Variants in DLG2 observed in about 807,000 individuals in gnomAD.
DLG2 encodes discs large MAGUK scaffold protein 2.
A neutral mutation model predicts 132.5 loss-of-function variants in DLG2; 45 were observed. That is an observed-to-expected ratio of 0.34 (90% CI 0.27 to 0.44). The LOEUF (loss-of-function observed/expected upper bound fraction) is 0.44, where lower values mean the gene tolerates loss of function less well. Ranked by LOEUF, DLG2 falls within the 20% of genes least tolerant of loss-of-function variation. DLG2 has a pLI of 1.00. For synonymous variants in DLG2, 424 were observed against 419.6 expected (o/e 1.01, Z -0.13); for missense variants, 1,045 against 1,196.9 (o/e 0.87, Z 1.87).
At chr11:85,502,199 A>G (rs990379870) in intron 3 of DLG2, among the ~76,000 whole-genome samples, 2 of 152,070 alleles carry the variant, frequency 1.3e-5, no homozygotes, top group African/African-American at 4.8e-5. Context: ...GTTTTCATTC[A>G]TAAGTGGGAG....
chr11:84,097,807 G>A lies in DLG2; in HGVS notation c.749+1116C>T, dbSNP rs2097186396. On this transcript the variant is annotated intron_variant, in intron 10 of 27. Transcript: ENST00000376104. Reference sequence around the variant, plus strand: ...GCAGGGGTGCTAAAAGTGACATTAGGGCATGTTATTCTTCCTGAAAAATCT... The same window carrying A: ...GCAGGGGTGCTAAAAGTGACATTAGAGCATGTTATTCTTCCTGAAAAATCT... 1.3e-5 allele frequency among the ~76,000 whole-genome samples: 2 copies of A among 151,984 alleles called. 1 individual carries two copies. The highest frequency in any genetic ancestry group is 4.2e-4 in the South Asian group (2 of 4,806).
At chr11:85,146,227 C>CTCTCTCTCTCTCTCTCG (rs1555384682) in intron 5 of DLG2, among the ~76,000 whole-genome samples, 5 of 129,110 alleles carry the variant, frequency 3.9e-5, no homozygotes, top group African/African-American at 1.5e-4. Flanking sequence ...TCTGTTTCTC[C>CTCTCTCTCTCTCTCTCG]CTCTCTCTCT....
chr11:84,360,686 G>A (rs371357366), intron 7 of DLG2, among the ~76,000 whole-genome samples: 2 of 151,920 alleles, frequency 1.3e-5, no homozygotes, highest in South Asian at 2.1e-4. Flanking sequence ...AGAATACCAG[G>A]GTTGAAGGAT....
chr11:83,466,644 A>G, intron 26 of DLG2, 64 bp downstream of exon 26: 1 of 809,172 alleles, frequency 1.2e-6, no homozygotes, highest in South Asian at 2.1e-5. Flanking sequence ...TCCTGTTAGT[A>G]ATTTTCAGTA....
chr11:85,103,832 A>T (rs2071267532), intron 6 of DLG2, among the ~76,000 whole-genome samples: 1 of 151,950 alleles, frequency 6.6e-6, no homozygotes, highest in South Asian at 2.1e-4. Context: ...CTGATAAGGG[A>T]CTAATATCCA....
intron 7 of DLG2, among the ~76,000 whole-genome samples, chr11:84,507,251 G>C (rs1429390156): frequency 1.3e-5 from 2 of 152,156 alleles, no homozygotes; most frequent in African/African-American, 4.8e-5. Context: ...GGGAGAAACA[G>C]TTAAAAGAGT....
At chr11:85,338,618 GATAAGT>G (rs2082282791) in intron 3 of DLG2, among the ~76,000 whole-genome samples, 1 of 151,352 alleles carries the variant, frequency 6.6e-6, no homozygotes, top group Admixed American at 6.6e-5. Context: ...GATATACTCA[GATAAGT>G]ATATCACATC....
intron 21 of DLG2, among the ~76,000 whole-genome samples, chr11:83,488,608 GTTC>G (rs1173953805): frequency 5.3e-5 from 8 of 151,798 alleles, no homozygotes; most frequent in African/African-American, 1.9e-4. Flanking sequence ...TCATCTTCCT[GTTC>G]TTATTTCTCA....
intron 4 of DLG2, among the ~76,000 whole-genome samples, chr11:85,185,737 T>A (rs546347888): frequency 6.6e-6 from 1 of 152,008 alleles, no homozygotes; most frequent in South Asian, 2.1e-4. Context: ...AGTGCCATCA[T>A]CCTCATCGAA....
intron 18 of DLG2, among the ~76,000 whole-genome samples, chr11:83,720,067 C>A (rs572886995): frequency 2.6e-5 from 4 of 151,626 alleles, no homozygotes; most frequent in Non-Finnish European, 4.4e-5. Flanking sequence ...CCGAGGTGGA[C>A]GGATCACCTG....
intron 15 of DLG2, among the ~76,000 whole-genome samples, chr11:83,888,406 C>T (rs944922772): frequency 1.3e-4 from 19 of 151,864 alleles, no homozygotes; most frequent in African/African-American, 4.4e-4. Flanking sequence ...ATGTGAAGGA[C>T]CTCTTCAAGG....
intron 3 of DLG2, among the ~76,000 whole-genome samples, chr11:85,310,344 T>C (rs2080236895): frequency 6.6e-6 from 1 of 152,208 alleles, no homozygotes. Context: ...CAATCCCTCA[T>C]TCTGGAGCTA....
intron 4 of DLG2, among the ~76,000 whole-genome samples, chr11:85,157,083 A>G (rs752836791): frequency 6.6e-6 from 1 of 152,170 alleles, no homozygotes; most frequent in Non-Finnish European, 1.5e-5. Flanking sequence ...GCAGGCAGAA[A>G]AACACGAAAA....
At chr11:84,480,064 TAC>T (rs895338780) in intron 7 of DLG2, among the ~76,000 whole-genome samples, 2 of 152,186 alleles carry the variant, frequency 1.3e-5, no homozygotes, top group African/African-American at 2.4e-5. Context: ...ATGTTTTGCT[TAC>T]ATTCTTCTCG....
intron 17 of DLG2, among the ~76,000 whole-genome samples, chr11:83,799,976 G>A (rs954404241): frequency 1.3e-5 from 2 of 152,128 alleles, no homozygotes; most frequent in African/African-American, 4.8e-5. Flanking sequence ...TTGCTGTAAG[G>A]TTAGATTAGT....
chr11:84,827,255 G>C (rs1055311461), intron 6 of DLG2, among the ~76,000 whole-genome samples: 1 of 151,616 alleles, frequency 6.6e-6, no homozygotes, highest in African/African-American at 2.4e-5. Context: ...CGTGTTCGAG[G>C]GGGCATCATG....
intron 3 of DLG2, among the ~76,000 whole-genome samples, chr11:85,354,874 A>G (rs1378090849): frequency 6.6e-6 from 1 of 152,088 alleles, no homozygotes; most frequent in African/African-American, 2.4e-5. Flanking sequence ...AACAGAAGAC[A>G]CTACAAAAGT....
intron 4 of DLG2, among the ~76,000 whole-genome samples, chr11:85,188,789 AT>A (rs898300434): frequency 6.6e-6 from 1 of 152,170 alleles, no homozygotes; most frequent in African/African-American, 2.4e-5. Context: ...AAACTTGAAG[AT>A]TAGAAATGAT....
intron 21 of DLG2, among the ~76,000 whole-genome samples, chr11:83,491,031 T>A (rs564000475): frequency 6.6e-6 from 1 of 151,950 alleles, no homozygotes; most frequent in South Asian, 2.1e-4. Flanking sequence ...ATTTTCATAA[T>A]AAGGATAAGA....
Sources: allele counts gnomAD v4.1 joint callset (sites outside exome capture counted in the v4.1 genomes callset), GRCh38; gene constraint gnomAD v4.1.1; transcripts MANE v1.5; gene names NCBI Gene and HGNC (gene_info 2026-07-23, HGNC 2026-07-21).